The following RBFOX2 variants were observed in gnomAD, a reference collection of about 807,000 sequenced individuals.
RBFOX2 encodes RNA binding protein fox-1 homolog 2.
A neutral mutation model predicts 49.1 loss-of-function variants in RBFOX2; 10 were observed. The observed-to-expected ratio is 0.20, with a 90% confidence interval of 0.13 to 0.35. The LOEUF (loss-of-function observed/expected upper bound fraction) is 0.35, where lower values mean the gene tolerates loss of function less well. RBFOX2 is among the 10% of genes least tolerant of loss of function. RBFOX2 has a pLI of 1.00. For missense variants in RBFOX2, 323 were observed against 486.9 expected (o/e 0.66, Z 3.17); for synonymous variants, 183 against 187.4 (o/e 0.98, Z 0.19).
chr22:35,982,304 T>C (rs2057496430), intron 1 of RBFOX2, among the ~76,000 whole-genome samples: 1 of 152,192 alleles, frequency 6.6e-6, no homozygotes. Flanking sequence ...CACAGAAGGA[T>C]AGCTCCTGTT....
intron 1 of RBFOX2, among the ~76,000 whole-genome samples, chr22:35,870,780 G>A (rs372124693): frequency 5.3e-5 from 8 of 152,064 alleles, no homozygotes; most frequent in East Asian, 1.9e-4. Context: ...AACTATATTC[G>A]TTGGACTTTT....
intron 1 of RBFOX2, chr22:35,995,180 T>A (rs1445590976): frequency 6.6e-6 from 1 of 152,102 alleles, no homozygotes; most frequent in Non-Finnish European, 1.5e-5. Flanking sequence ...ATAGAGAACA[T>A]CATCTACCTT....
At chr22:35,764,637 T>C (rs990344654) in intron 6 of RBFOX2, among the ~76,000 whole-genome samples, 2 of 150,760 alleles carry the variant, frequency 1.3e-5, no homozygotes, top group Non-Finnish European at 1.5e-5. Flanking sequence ...ATTCTAGATA[T>C]TAGTAAAAGC....
chr22:35,981,569 G>A (rs528658410), intron 1 of RBFOX2, among the ~76,000 whole-genome samples: 41 of 151,228 alleles, frequency 2.7e-4, no homozygotes, highest in African/African-American at 8.3e-4. Flanking sequence ...TTGAACCTAG[G>A]AGTCTGAGAT....
intron 1 of RBFOX2, among the ~76,000 whole-genome samples, chr22:35,951,339 G>A (rs965943338): frequency 4.9e-5 from 7 of 142,076 alleles, no homozygotes; most frequent in South Asian, 2.3e-4. Flanking sequence ...TCCACCTTCC[G>A]GGTTCAAGCG....
At chr22:35,976,725 G>A (rs2057174925) in intron 1 of RBFOX2, among the ~76,000 whole-genome samples, 1 of 152,148 alleles carries the variant, frequency 6.6e-6, no homozygotes, top group East Asian at 1.9e-4. Context: ...CACTTTGGGA[G>A]GCCAAGGCGG....
rs1036082115 is a variant in RBFOX2, at chr22:36,026,062, C to T, written c.186+2178G>A. 1.2e-4 allele frequency among the ~76,000 whole-genome samples: 18 copies of T among 152,056 alleles called. 2 individuals are homozygous for T. The South Asian group carries it at 2.1e-3, about 18-fold the overall frequency. On this transcript the variant is annotated intron_variant, in intron 1 of 13. Transcript: ENST00000438146. Reference sequence around the variant, plus strand: ...GGTGAATCACCTGAGGTCAGGAGTTCGAGACCAGCCTGGCCAACCTGGTGA... The same window carrying T: ...GGTGAATCACCTGAGGTCAGGAGTTTGAGACCAGCCTGGCCAACCTGGTGA...
chr22:35,892,950 C>T (rs1046834991), intron 1 of RBFOX2, among the ~76,000 whole-genome samples: 3 of 152,214 alleles, frequency 2.0e-5, no homozygotes, highest in African/African-American at 7.2e-5. Context: ...CCACTGAATG[C>T]GTGACCACCA....
chr22:36,003,523 AC>A (rs2058507815), intron 1 of RBFOX2, among the ~76,000 whole-genome samples: 1 of 152,218 alleles, frequency 6.6e-6, no homozygotes. Context: ...AGTACTGGGT[AC>A]CTCTAGGAAA....
At chr22:35,830,609 T>C (rs188007646) in intron 1 of RBFOX2, among the ~76,000 whole-genome samples, 11 of 152,308 alleles carry the variant, frequency 7.2e-5, no homozygotes, top group Admixed American at 6.5e-4. Flanking sequence ...TACAAACTTG[T>C]ACAGCATGTG....
chr22:35,981,847 G>C (rs990420845), intron 1 of RBFOX2, among the ~76,000 whole-genome samples: 1 of 152,068 alleles, frequency 6.6e-6, no homozygotes, highest in African/African-American at 2.4e-5. Flanking sequence ...CAAGGCAGCA[G>C]TAAGAAGACA....
exon 12 of RBFOX2, chr22:35,744,182 AT>A (rs1389985358): frequency 6.2e-7 from 1 of 1,605,570 alleles, no homozygotes; most frequent in African/African-American, 1.3e-5. Flanking sequence ...GGGCTGTCCC[AT>A]TTGCAGGGGT....
upstream of RBFOX2, among the ~76,000 whole-genome samples, chr22:35,966,416 A>G (rs2056561895): frequency 1.3e-5 from 2 of 152,176 alleles, no homozygotes; most frequent in African/African-American, 4.8e-5. Flanking sequence ...ACCAACTGCC[A>G]GTTTTCCAAA....
intron 1 of RBFOX2, chr22:35,999,381 C>CG (rs1201698877): frequency 1.2e-4 from 7 of 57,312 alleles, no homozygotes; most frequent in Non-Finnish European, 1.3e-4. Flanking sequence ...CCTGTCTCTA[C>CG]AAAAAAAAAA....
chr22:35,973,766 T>G (rs978548438), intron 1 of RBFOX2, among the ~76,000 whole-genome samples: 2 of 152,168 alleles, frequency 1.3e-5, no homozygotes, highest in Admixed American at 1.3e-4. Flanking sequence ...GAAGAGAAAA[T>G]TACTCCTATA....
At chr22:35,751,099 A>C (rs969680321) in intron 9 of RBFOX2, among the ~76,000 whole-genome samples, 5 of 152,242 alleles carry the variant, frequency 3.3e-5, no homozygotes, top group African/African-American at 1.2e-4. Flanking sequence ...AACTAGAGCA[A>C]AATACAATAG....
intron 1 of RBFOX2, among the ~76,000 whole-genome samples, chr22:35,947,966 TCACATCCACTCACA>T (rs1349278266): frequency 6.6e-6 from 1 of 152,200 alleles, no homozygotes; most frequent in Non-Finnish European, 1.5e-5. Context: ...CCCGAAGCCT[TCACATCCACTCACA>T]CTCACTCACT....
At chr22:35,830,982 T>C (rs530922304) in intron 1 of RBFOX2, among the ~76,000 whole-genome samples, 1 of 152,186 alleles carries the variant, frequency 6.6e-6, no homozygotes, top group African/African-American at 2.4e-5. Flanking sequence ...CTCAAAACTG[T>C]CTCTCTGTCA....
intron 3 of RBFOX2, 57 bp downstream of exon 4, chr22:35,781,543 T>C: frequency 1.3e-6 from 2 of 1,576,562 alleles, no homozygotes; most frequent in Non-Finnish European, 1.7e-6. Flanking sequence ...ATAACACATC[T>C]GGGGGATTAA....
Sources: gnomAD v4.1 joint callset for allele counts (sites outside exome capture counted in the v4.1 genomes callset) on GRCh38, gnomAD v4.1.1 for gene constraint, MANE v1.5 for transcripts, NCBI Gene and HGNC (gene_info 2026-07-23, HGNC 2026-07-21) for gene names.